STAG1: variants seen among roughly 807,000 people sequenced by gnomAD.
STAG1 encodes cohesin subunit SA-1.
In STAG1, 26 loss-of-function variants were observed where a neutral mutation model predicts 170.9. That is an observed-to-expected ratio of 0.15 (90% CI 0.11 to 0.21). STAG1 has a LOEUF of 0.21. Among genes scored for constraint, STAG1 ranks in the 10% least tolerant of loss-of-function variants. The pLI, the probability that STAG1 is intolerant of heterozygous loss-of-function variation, is 1.00. For missense variants in STAG1, 964 were observed against 1,509.5 expected, an observed-to-expected ratio of 0.64 and a Z score of 5.99; for synonymous variants, 514 against 497.7, an observed-to-expected ratio of 1.03 and a Z score of -0.44.
chr3:136,592,428 G>T (rs1033811556), intron 4 of STAG1, among the ~76,000 whole-genome samples: 2 of 152,070 alleles, frequency 1.3e-5, no homozygotes, highest in African/African-American at 4.8e-5. Context: ...CACCATGATT[G>T]TAAGTTTCCT....
At chr3:136,525,898 G>C (rs573268293) in intron 6 of STAG1, among the ~76,000 whole-genome samples, 48 of 152,298 alleles carry the variant, frequency 3.2e-4, no homozygotes, top group Admixed American at 3.1e-3. Context: ...CCATGTAGTT[G>C]AGCAGTTTTG....
intron 4 of STAG1, among the ~76,000 whole-genome samples, chr3:136,589,908 G>T (rs112006512): frequency 0.06 from 9,130 of 152,160 alleles, 364 homozygotes; most frequent in Non-Finnish European, 0.093. Flanking sequence ...TCCGGCCTGG[G>T]TAACAGAGCG....
chr3:136,356,266 A>G (rs1274099368), intron 28 of STAG1, among the ~76,000 whole-genome samples: 1 of 152,214 alleles, frequency 6.6e-6, no homozygotes, highest in Non-Finnish European at 1.5e-5. Flanking sequence ...TAGGGGCTTA[A>G]TGAATATTTT....
intron 1 of STAG1, among the ~76,000 whole-genome samples, chr3:136,700,867 A>ATTTTTTTTCTT (rs1943034896): frequency 8.7e-6 from 1 of 114,866 alleles, no homozygotes; most frequent in Non-Finnish European, 1.8e-5. Context: ...TGTGTGCTCT[A>ATTTTTTTTCTT]TTTTTTTTCT....
intron 7 of STAG1, among the ~76,000 whole-genome samples, chr3:136,508,436 C>T (rs1933879038): frequency 1.3e-5 from 2 of 152,090 alleles, no homozygotes; most frequent in Admixed American, 6.5e-5. Context: ...ATCTGTAATC[C>T]CAGTGCTTTG....
intron 4 of STAG1, among the ~76,000 whole-genome samples, chr3:136,595,088 G>A (rs1047548868): frequency 2.0e-5 from 3 of 152,124 alleles, no homozygotes; most frequent in Non-Finnish European, 2.9e-5. Flanking sequence ...AACTTTTATA[G>A]TTGATATCTA....
chr3:136,418,520 A>C (rs1370044537), intron 20 of STAG1, among the ~76,000 whole-genome samples: 1 of 151,736 alleles, frequency 6.6e-6, no homozygotes, highest in South Asian at 2.1e-4. Context: ...CTATGAATTT[A>C]TTAAAGAAAT....
At chr3:136,624,424 T>G (rs374276847) in intron 2 of STAG1, among the ~76,000 whole-genome samples, 3 of 152,296 alleles carry the variant, frequency 2.0e-5, no homozygotes, top group African/African-American at 7.2e-5. Flanking sequence ...AACCTACAGC[T>G]GCAACTGATG....
chr3:136,675,735 C>T (rs1393556901), intron 1 of STAG1, among the ~76,000 whole-genome samples: 3 of 152,206 alleles, frequency 2.0e-5, no homozygotes, highest in African/African-American at 7.2e-5. Context: ...CTGACAATCA[C>T]TACTATTTGG....
intron 15 of STAG1, among the ~76,000 whole-genome samples, chr3:136,442,142 G>A (rs2088652073): frequency 6.6e-6 from 1 of 152,188 alleles, no homozygotes; most frequent in African/African-American, 2.4e-5. Flanking sequence ...AGGTTGCAGT[G>A]AGCTGAGAAT....
intron 23 of STAG1, among the ~76,000 whole-genome samples, chr3:136,371,389 G>A (rs1452428104): frequency 2.6e-5 from 4 of 152,120 alleles, no homozygotes; most frequent in African/African-American, 9.7e-5. Flanking sequence ...TTTGGCTTTT[G>A]TTGCCATTGC....
intron 1 of STAG1, among the ~76,000 whole-genome samples, chr3:136,663,648 C>T (rs1941654147): frequency 6.6e-6 from 1 of 152,132 alleles, no homozygotes; most frequent in Non-Finnish European, 1.5e-5. Context: ...GTAACACTAA[C>T]TTAGGACTGT....
chr3:136,357,885 T>C (rs749282734), intron 27 of STAG1, 37 bp from the exon 28 acceptor site: 2 of 1,555,516 alleles, frequency 1.3e-6, no homozygotes, highest in East Asian at 2.3e-5. Flanking sequence ...TTTTTCCAGA[T>C]AGTGTAATTC....
intron 6 of STAG1, among the ~76,000 whole-genome samples, chr3:136,530,748 G>C (rs1935327627): frequency 6.6e-6 from 1 of 152,078 alleles, no homozygotes; most frequent in African/African-American, 2.4e-5. Flanking sequence ...CAAAACCTGT[G>C]GGATATAGCA....
intron 13 of STAG1, among the ~76,000 whole-genome samples, chr3:136,457,111 G>T (rs908593484): frequency 6.6e-6 from 1 of 152,098 alleles, no homozygotes; most frequent in African/African-American, 2.4e-5. Flanking sequence ...GAAAATGTCC[G>T]GGGTCCAGGG....
intron 1 of STAG1, among the ~76,000 whole-genome samples, chr3:136,665,018 G>A (rs1941707984): frequency 6.6e-6 from 1 of 152,226 alleles, no homozygotes; most frequent in Non-Finnish European, 1.5e-5. Flanking sequence ...TCTCCAGCTG[G>A]TTTTTGAAAT....
intron 21 of STAG1, among the ~76,000 whole-genome samples, chr3:136,411,272 AT>A (rs2087616475): frequency 6.6e-6 from 1 of 152,164 alleles, no homozygotes; most frequent in Non-Finnish European, 1.5e-5. Context: ...CAGGAAATTA[AT>A]ATTTTATTTT....
chr3:136,661,471 G>A (rs1941576525), intron 1 of STAG1, among the ~76,000 whole-genome samples: 2 of 152,146 alleles, frequency 1.3e-5, no homozygotes, highest in Non-Finnish European at 2.9e-5. Context: ...AGTTTATTCA[G>A]TGTCAACAAG....
chr3:136,387,217 T>G (rs1273287565), intron 22 of STAG1, among the ~76,000 whole-genome samples: 1 of 152,218 alleles, frequency 6.6e-6, no homozygotes, highest in Non-Finnish European at 1.5e-5. Context: ...ATCCAACTAC[T>G]TAACTGTCAG....
Sources: allele counts gnomAD v4.1 joint callset (sites outside exome capture counted in the v4.1 genomes callset), GRCh38; gene constraint gnomAD v4.1.1; transcripts MANE v1.5; gene names NCBI Gene and HGNC (gene_info 2026-07-23, HGNC 2026-07-21).